TNR: variants seen among roughly 807,000 people sequenced by gnomAD.
TNR encodes the protein tenascin-R.
Under a neutral mutation model 150.4 loss-of-function variants are expected in TNR, and 45 were observed. The observed-to-expected ratio is 0.30, with a 90% CI of 0.24 to 0.38. The LOEUF (loss-of-function observed/expected upper bound fraction) is 0.38. Among genes scored for constraint, TNR ranks in the 10% least tolerant of loss-of-function variants. TNR has a pLI of 1.00. For synonymous variants in TNR, 687 were observed against 678.4 expected (o/e 1.01, Z -0.20); for missense variants, 1,544 against 1,759.1 (o/e 0.88, Z 2.19).
chr1:175,353,204 G>T (rs901489603), intron 18 of TNR, among the ~76,000 whole-genome samples: 3 of 152,180 alleles, frequency 2.0e-5, no homozygotes, highest in African/African-American at 7.2e-5. Context: ...AACATCTGGC[G>T]TCAAATTCCA....
intron 2 of TNR, among the ~76,000 whole-genome samples, chr1:175,488,822 C>T (rs553107569): frequency 1.5e-4 from 23 of 152,224 alleles, no homozygotes; most frequent in South Asian, 6.2e-4. Flanking sequence ...GCCAGGTCCC[C>T]GAAGGGTGGA....
At chr1:175,355,403 CTT>C in intron 17 of TNR, 98 bp downstream of exon 17, 1 of 1,507,578 alleles carries the variant, frequency 6.6e-7, no homozygotes, top group Non-Finnish European at 9.0e-7. Flanking sequence ...GGATTGCTTC[CTT>C]CCCCCTCCCT....
intron 9 of TNR, among the ~76,000 whole-genome samples, chr1:175,373,901 A>T (rs1652241604): frequency 6.6e-6 from 1 of 152,136 alleles, no homozygotes; most frequent in Admixed American, 6.5e-5. Flanking sequence ...CTCCTCTTCA[A>T]CTTGGGTCTC....
chr1:175,613,317 G>C (rs562383805), intron 1 of TNR, among the ~76,000 whole-genome samples: 2 of 152,110 alleles, frequency 1.3e-5, no homozygotes, highest in Non-Finnish European at 2.9e-5. Flanking sequence ...AATGGTAAAG[G>C]CTCCTTGTCC....
chr1:175,650,028 C>T (rs369770443), intron 1 of TNR, among the ~76,000 whole-genome samples: 1 of 152,058 alleles, frequency 6.6e-6, no homozygotes, highest in East Asian at 1.9e-4. Context: ...AGCATGCAGG[C>T]AAGAAGAAAT....
rs568877842 is a variant in TNR at position 175,360,912 on chromosome 1, G to A, written c.2855-1181C>T. On this transcript the variant is annotated intron_variant, in intron 14 of 22. Transcript: ENST00000367674. Reference sequence around the variant, plus strand: ...GTAAAACCACAACAAACATACAACAGCAAAATAAGACATTCTGGGGCAATC... The same window carrying A: ...GTAAAACCACAACAAACATACAACAACAAAATAAGACATTCTGGGGCAATC... Among the ~76,000 whole-genome samples the A allele has an allele frequency of 6.0e-4, 92 of 152,290 alleles. 1 individual carries two copies. Among genetic ancestry groups the A allele is most frequent in the African/African-American group, 2.2e-3 (90 of 41,552 alleles).
At chr1:175,364,193 C>T (rs1232917852) in intron 12 of TNR, among the ~76,000 whole-genome samples, 1 of 152,124 alleles carries the variant, frequency 6.6e-6, no homozygotes, top group Non-Finnish European at 1.5e-5. Flanking sequence ...CCAAATTTTG[C>T]CTGTATCTCT....
chr1:175,704,803 G>A (rs1026466928), intron 1 of TNR, among the ~76,000 whole-genome samples: 15 of 152,260 alleles, frequency 9.9e-5, no homozygotes, highest in Middle Eastern at 3.4e-3. Context: ...CATGAGTTGC[G>A]GCTGTTTACA....
At chr1:175,360,818 A>G (rs1485538146) in intron 14 of TNR, among the ~76,000 whole-genome samples, 1 of 152,228 alleles carries the variant, frequency 6.6e-6, no homozygotes, top group African/African-American at 2.4e-5. Context: ...CATGCATGAT[A>G]CCACGAGACA....
chr1:175,387,019 C>G (rs1652971918), intron 7 of TNR, among the ~76,000 whole-genome samples: 1 of 152,206 alleles, frequency 6.6e-6, no homozygotes, highest in Non-Finnish European at 1.5e-5. Context: ...TCCAGGTTCT[C>G]TAGTGTATTT....
chr1:175,687,296 T>A (rs148031544), intron 1 of TNR, among the ~76,000 whole-genome samples: 1 of 152,146 alleles, frequency 6.6e-6, no homozygotes. Flanking sequence ...TCACTTTTCT[T>A]ATCTCTTAGA....
chr1:175,585,054 A>T (rs755561243), intron 1 of TNR, among the ~76,000 whole-genome samples: 21 of 152,222 alleles, frequency 1.4e-4, no homozygotes, highest in Non-Finnish European at 2.2e-4. Flanking sequence ...AAATACAAAC[A>T]TGAGTGTTGA....
intron 1 of TNR, among the ~76,000 whole-genome samples, chr1:175,671,896 T>A (rs1665708175): frequency 6.7e-6 from 1 of 149,314 alleles, no homozygotes; most frequent in African/African-American, 2.5e-5. Flanking sequence ...TCCAAGGGAG[T>A]CTTATGAGCT....
At chr1:175,429,298 G>T (rs964205489) in intron 2 of TNR, among the ~76,000 whole-genome samples, 1 of 152,132 alleles carries the variant, frequency 6.6e-6, no homozygotes, top group Non-Finnish European at 1.5e-5. Flanking sequence ...TATAGATTTA[G>T]AATTGATATA....
At position 175,322,370 on chromosome 1, in the gene TNR, G is replaced by A. The variant is rs1300655698; in HGVS notation, c.*987C>T. The A allele has an allele frequency of 1.3e-5, 2 of 152,258 alleles. No individual in the cohort carries two copies. Among genetic ancestry groups the A allele is most frequent in the Non-Finnish European group, 2.9e-5 (2 of 68,070 alleles). The allele number at this position is 152,258 out of a possible 1,614,324, so 9.4% of individuals were successfully genotyped here. On this transcript the variant is annotated 3_prime_UTR_variant, in exon 23 of 23. Transcript: ENST00000367674. ...AGGCTCTGGGGTCTAAGACAGGATG[G>A]GATTAGGCAAAAGACTCCATCAGGG... is the stretch of plus-strand genomic sequence containing the variant.
At chr1:175,477,692 GAAGA>G (rs2102124685) in intron 2 of TNR, among the ~76,000 whole-genome samples, 1 of 152,318 alleles carries the variant, frequency 6.6e-6, no homozygotes, top group African/African-American at 2.4e-5. Context: ...TGGAGGATCT[GAAGA>G]AAGAGAGGAA....
chr1:175,488,996 C>T (rs758532442), intron 2 of TNR, among the ~76,000 whole-genome samples: 4 of 152,288 alleles, frequency 2.6e-5, no homozygotes, highest in South Asian at 2.1e-4. Flanking sequence ...AAGTCTACCG[C>T]GGGTGGGTTG....
chr1:175,345,518 T>C (rs1412607177), intron 18 of TNR, among the ~76,000 whole-genome samples: 2 of 152,046 alleles, frequency 1.3e-5, no homozygotes, highest in Admixed American at 6.6e-5. Context: ...ATCAAATAAA[T>C]AAAAATTAAT....
chr1:175,651,622 AT>A (rs1399565502), intron 1 of TNR, among the ~76,000 whole-genome samples: 2 of 152,118 alleles, frequency 1.3e-5, no homozygotes, highest in African/African-American at 2.4e-5. Flanking sequence ...CTGGTCATTT[AT>A]ACAGGCACAT....
Sources: gnomAD v4.1 joint callset for allele counts (sites outside exome capture counted in the v4.1 genomes callset) on GRCh38, gnomAD v4.1.1 for gene constraint, MANE v1.5 for transcripts, NCBI Gene and HGNC (gene_info 2026-07-23, HGNC 2026-07-21) for gene names.